Variants in EYS observed in about 807,000 individuals in gnomAD.
EYS encodes the protein EGF-like photoreceptor maintenance factor.
In EYS, 250 loss-of-function variants were observed where a neutral mutation model predicts 282.1. The ratio of observed to expected loss-of-function variants is 0.89; its 90% confidence interval spans 0.80 to 0.98. The LOEUF is 0.98. Among genes scored for constraint, EYS ranks in the 50% least tolerant of loss-of-function variants. The pLI, the probability that EYS is intolerant of heterozygous loss-of-function variation, is 0.00. For synonymous variants in EYS, 1,355 were observed against 1,282.9 expected (o/e 1.06, Z -1.20); for missense variants, 4,016 against 3,709.0 (o/e 1.08, Z -2.15).
At chr6:63,928,318 A>G (rs1481032118) in intron 35 of EYS, among the ~76,000 whole-genome samples, 2 of 152,188 alleles carry the variant, frequency 1.3e-5, no homozygotes, top group African/African-American at 4.8e-5. Flanking sequence ...ACATAATGCT[A>G]TACTGATTCA....
intron 1 of EYS, among the ~76,000 whole-genome samples, chr6:65,687,495 A>G (rs1466897536): frequency 2.6e-5 from 4 of 152,088 alleles, no homozygotes; most frequent in Admixed American, 2.6e-4. Flanking sequence ...CTCTAAGTAG[A>G]AAGATTCTAA....
At chr6:64,883,876 A>G (rs2150061592) in intron 19 of EYS, among the ~76,000 whole-genome samples, 1 of 151,622 alleles carries the variant, frequency 6.6e-6, no homozygotes, top group East Asian at 1.9e-4. Flanking sequence ...AATTAAAAAT[A>G]CTCTAGATAA....
chr6:64,389,971 G>T (rs1293275963), intron 28 of EYS, among the ~76,000 whole-genome samples: 1 of 150,592 alleles, frequency 6.6e-6, no homozygotes, highest in Non-Finnish European at 1.5e-5. Context: ...GAAGTGCAAG[G>T]GGTCAGGGAG....
At chr6:64,733,129 G>A (rs1270732052) in intron 22 of EYS, 1 of 152,132 alleles carries the variant, frequency 6.6e-6, no homozygotes, top group Non-Finnish European at 1.5e-5. Flanking sequence ...AACTCTACAG[G>A]AAAAAGTGGA....
At chr6:63,980,895 C>T (rs1196677604) in intron 35 of EYS, among the ~76,000 whole-genome samples, 6 of 151,776 alleles carry the variant, frequency 4.0e-5, no homozygotes, top group African/African-American at 9.7e-5. Context: ...CCTTTGGCTT[C>T]GGCTAACAAC....
chr6:65,038,054 T>G (rs2150147574), intron 13 of EYS, among the ~76,000 whole-genome samples: 1 of 151,692 alleles, frequency 6.6e-6, no homozygotes. Context: ...GGCAAAAAGG[T>G]TTAGAATCAC....
chr6:64,692,268 TTA>T (rs1196831392), intron 22 of EYS, among the ~76,000 whole-genome samples: 2 of 152,292 alleles, frequency 1.3e-5, no homozygotes, highest in Admixed American at 6.5e-5. Flanking sequence ...GCATTTTATC[TTA>T]TGTCTGTAGG....
intron 5 of EYS, among the ~76,000 whole-genome samples, chr6:65,427,326 T>A (rs556382374): frequency 2.6e-5 from 4 of 152,044 alleles, no homozygotes; most frequent in Non-Finnish European, 5.9e-5. Context: ...ATTGAGATGA[T>A]GAAGAGTCTC....
At chr6:63,905,338 T>G in intron 35 of EYS, among the ~76,000 whole-genome samples, 1 of 148,696 alleles carries the variant, frequency 6.7e-6, no homozygotes, top group African/African-American at 2.5e-5. Flanking sequence ...TCTTTTTTTT[T>G]TTTTTTTTTG....
chr6:65,134,727 A>G (rs1295863688), intron 12 of EYS, among the ~76,000 whole-genome samples: 1 of 152,062 alleles, frequency 6.6e-6, no homozygotes, highest in Non-Finnish European at 1.5e-5. Flanking sequence ...ACAAACCTGT[A>G]TGTGTGCCCC....
intron 28 of EYS, among the ~76,000 whole-genome samples, chr6:64,398,710 C>T (rs548284278): frequency 7.3e-4 from 111 of 151,830 alleles, no homozygotes; most frequent in South Asian, 4.1e-3. Flanking sequence ...TCTTCAAATC[C>T]TCCTATCTGT....
At chr6:63,767,986 A>G (rs1435718790) in intron 40 of EYS, among the ~76,000 whole-genome samples, 1 of 152,140 alleles carries the variant, frequency 6.6e-6, no homozygotes, top group Non-Finnish European at 1.5e-5. Context: ...AGGGCTTCCT[A>G]TTCGATAAAT....
chr6:64,402,625 T>C (rs1270107385), intron 28 of EYS, among the ~76,000 whole-genome samples: 1 of 152,186 alleles, frequency 6.6e-6, no homozygotes, highest in African/African-American at 2.4e-5. Flanking sequence ...AAGTAACTGT[T>C]TGCATTCATT....
intron 29 of EYS, among the ~76,000 whole-genome samples, chr6:64,372,817 CAGTTTGGTCAATTCTGCTGTTAA>C (rs937577487): frequency 3.4e-4 from 52 of 152,220 alleles, no homozygotes; most frequent in African/African-American, 1.3e-3. Context: ...ATTGTTTCCT[CAGTTTGGTCAATTCTGCTGTTAA>C]AGTTTGGTCA....
At chr6:64,455,426 T>C (rs1331423611) in intron 26 of EYS, among the ~76,000 whole-genome samples, 1 of 140,110 alleles carries the variant, frequency 7.1e-6, no homozygotes, top group Non-Finnish European at 1.6e-5. Flanking sequence ...TTTTCTGTTC[T>C]TTTGTTTTAT....
At chr6:65,588,644 A>G (rs1248645907) in intron 2 of EYS, among the ~76,000 whole-genome samples, 1 of 152,106 alleles carries the variant, frequency 6.6e-6, no homozygotes, top group Non-Finnish European at 1.5e-5. Context: ...GACTTTCTCA[A>G]AGAAAGATCA....
intron 12 of EYS, among the ~76,000 whole-genome samples, chr6:65,228,390 T>C (rs1270648053): frequency 6.6e-6 from 1 of 152,004 alleles, no homozygotes; most frequent in East Asian, 1.9e-4. Context: ...ATATAGTAAA[T>C]CTGACAAAAA....
At chr6:65,290,099 C>T (rs72884819) in intron 12 of EYS, among the ~76,000 whole-genome samples, 4 of 150,818 alleles carry the variant, frequency 2.7e-5, no homozygotes, top group Non-Finnish European at 6.0e-5. Flanking sequence ...CAAAGCAATA[C>T]CCAAAGTATT....
chr6:64,020,543 G>T (rs1408307421), intron 33 of EYS, among the ~76,000 whole-genome samples: 1 of 152,126 alleles, frequency 6.6e-6, no homozygotes, highest in African/African-American at 2.4e-5. Context: ...GGTGCAAATA[G>T]ATGTGGTAGT....
Sources: gnomAD v4.1 joint callset for allele counts (sites outside exome capture counted in the v4.1 genomes callset) on GRCh38, gnomAD v4.1.1 for gene constraint, MANE v1.5 for transcripts, NCBI Gene and HGNC (gene_info 2026-07-23, HGNC 2026-07-21) for gene names.